The following CDKAL1 variants were observed in gnomAD, a reference collection of about 807,000 sequenced individuals.
CDKAL1 encodes the protein CDKAL1 threonylcarbamoyladenosine tRNA methylthiotransferase.
CDKAL1 carries 32 observed loss-of-function variants against 68.2 expected under a neutral mutation model. That is an observed-to-expected ratio of 0.47 (90% CI 0.35 to 0.63). The LOEUF is 0.63. Ranked by LOEUF, CDKAL1 falls within the 30% of genes least tolerant of loss-of-function variation. The pLI is 0.00. For synonymous variants in CDKAL1, 234 were observed against 244.3 expected (o/e 0.96, Z 0.39); for missense variants, 606 against 696.7 (o/e 0.87, Z 1.47).
chr6:20,537,157 T>C (rs1581689902), intron 2 of CDKAL1, among the ~76,000 whole-genome samples: 1 of 152,248 alleles, frequency 6.6e-6, no homozygotes, highest in African/African-American at 2.4e-5. Flanking sequence ...TTCAGGTGAA[T>C]AGAATGAGTG....
chr6:20,570,820 G>A (rs747799954), intron 4 of CDKAL1, among the ~76,000 whole-genome samples: 1 of 152,096 alleles, frequency 6.6e-6, no homozygotes, highest in African/African-American at 2.4e-5. Context: ...CAAAAGTGCC[G>A]TATTGATCAT....
intron 13 of CDKAL1, among the ~76,000 whole-genome samples, chr6:21,174,017 C>T (rs1000698850): frequency 2.6e-5 from 4 of 152,068 alleles, no homozygotes; most frequent in African/African-American, 9.7e-5. Context: ...CAGCAGTGAA[C>T]TGTGATCACA....
At chr6:20,954,304 C>T (rs1764676166) in intron 9 of CDKAL1, among the ~76,000 whole-genome samples, 1 of 152,106 alleles carries the variant, frequency 6.6e-6, no homozygotes, top group African/African-American at 2.4e-5. Flanking sequence ...TTTGTTGTCT[C>T]TCTTGGCTAG....
intron 11 of CDKAL1, among the ~76,000 whole-genome samples, chr6:21,036,926 T>C (rs191715982): frequency 6.6e-6 from 1 of 152,282 alleles, no homozygotes; most frequent in Non-Finnish European, 1.5e-5. Context: ...ACTAAGTAAG[T>C]ATAGAACATT....
chr6:20,748,973 ATGTGTATATATATGTATGTG>A (rs1377798218), intron 6 of CDKAL1, among the ~76,000 whole-genome samples: 1 of 151,158 alleles, frequency 6.6e-6, no homozygotes. Flanking sequence ...ATGTATATGT[ATGTGTATATATATGTATGTG>A]TGTGTATATA....
At chr6:20,645,979 A>G (rs1768435669) in intron 4 of CDKAL1, among the ~76,000 whole-genome samples, 1 of 150,696 alleles carries the variant, frequency 6.6e-6, no homozygotes, top group South Asian at 2.1e-4. Context: ...CTCCTATGTT[A>G]GCAATGCCTT....
At chr6:20,655,272 A>G (rs16884072) in intron 5 of CDKAL1, among the ~76,000 whole-genome samples, 28,353 of 152,128 alleles carry the variant, frequency 0.19, 2,831 homozygotes, top group African/African-American at 0.23. Context: ...TGTAGTAGCA[A>G]TGTGAAGGAT....
chr6:20,566,485 T>G (rs1298335286), intron 4 of CDKAL1, among the ~76,000 whole-genome samples: 1 of 152,162 alleles, frequency 6.6e-6, no homozygotes, highest in African/African-American at 2.4e-5. Context: ...TGGAGGAAAT[T>G]ATAAAATATA....
chr6:21,222,368 C>T (rs776763031), intron 15 of CDKAL1, among the ~76,000 whole-genome samples: 17 of 152,100 alleles, frequency 1.1e-4, no homozygotes, highest in Non-Finnish European at 1.9e-4. Context: ...CAGTATTGCG[C>T]TCTAATTGCG....
At chr6:20,822,447 A>G (rs1198400364) in intron 8 of CDKAL1, among the ~76,000 whole-genome samples, 1 of 152,166 alleles carries the variant, frequency 6.6e-6, no homozygotes, top group Non-Finnish European at 1.5e-5. Flanking sequence ...ACATGCCACA[A>G]CATAAGTCCA....
At chr6:20,610,559 T>C (rs1468911156) in intron 4 of CDKAL1, among the ~76,000 whole-genome samples, 2 of 152,130 alleles carry the variant, frequency 1.3e-5, no homozygotes, top group Non-Finnish European at 2.9e-5. Context: ...TGCCCAGTCT[T>C]CCCTCTCCTC....
intron 11 of CDKAL1, among the ~76,000 whole-genome samples, chr6:21,039,726 G>A (rs1220940762): frequency 1.3e-5 from 2 of 152,194 alleles, no homozygotes; most frequent in Non-Finnish European, 2.9e-5. Flanking sequence ...TATCATGCCT[G>A]TAAGAATCAC....
intron 13 of CDKAL1, among the ~76,000 whole-genome samples, chr6:21,157,424 C>T (rs142729513): frequency 1.1e-3 from 160 of 152,296 alleles, no homozygotes; most frequent in African/African-American, 3.7e-3. Flanking sequence ...ATAGTGAGAT[C>T]CTGTCTCAAA....
intron 9 of CDKAL1, among the ~76,000 whole-genome samples, chr6:20,954,048 G>A (rs1764663346): frequency 1.3e-5 from 2 of 152,096 alleles, no homozygotes; most frequent in Non-Finnish European, 2.9e-5. Context: ...GTGTGGGTGT[G>A]GGTGAGGATG....
At chr6:21,070,858 G>A (rs529659811) in intron 12 of CDKAL1, among the ~76,000 whole-genome samples, 14 of 152,288 alleles carry the variant, frequency 9.2e-5, no homozygotes, top group Non-Finnish European at 1.3e-4. Context: ...TCCCTGAACA[G>A]CAGTGTTGGC....
rs536539164 is a variant in CDKAL1 at position 20,784,041 on chromosome 6, C to T, written c.638+2776C>T. 5.7e-4 allele frequency among the ~76,000 whole-genome samples: 86 copies of T among 152,054 alleles called. 1 individual carries two copies. In the South Asian group the frequency reaches 0.016, roughly 29 times the overall value. ...CATCCTGGCCAACAAGGTGAAACCC[C>T]GACTCTACTAAAAATACAAAAATTA... On this transcript the variant is annotated intron_variant, in intron 8 of 15. Transcript: ENST00000274695.
chr6:20,632,374 C>T (rs1767710230), intron 4 of CDKAL1, among the ~76,000 whole-genome samples: 1 of 152,196 alleles, frequency 6.6e-6, no homozygotes, highest in Non-Finnish European at 1.5e-5. Flanking sequence ...AAATTTGACA[C>T]ATGGGCTCTA....
intron 9 of CDKAL1, among the ~76,000 whole-genome samples, chr6:20,941,470 G>T (rs1412800143): frequency 6.6e-6 from 1 of 152,154 alleles, no homozygotes; most frequent in Non-Finnish European, 1.5e-5. Flanking sequence ...TAACCTTTCT[G>T]TCACAGTCTC....
At chr6:21,065,455 A>T (rs1355903455) in intron 12 of CDKAL1, among the ~76,000 whole-genome samples, 1 of 151,982 alleles carries the variant, frequency 6.6e-6, no homozygotes, top group Non-Finnish European at 1.5e-5. Flanking sequence ...AATTCAGATG[A>T]CTTGGGGAAA....
Sources: allele counts gnomAD v4.1 joint callset (sites outside exome capture counted in the v4.1 genomes callset), GRCh38; gene constraint gnomAD v4.1.1; transcripts MANE v1.5; gene names NCBI Gene and HGNC (gene_info 2026-07-23, HGNC 2026-07-21).